Variants in PCDH15 observed in about 807,000 individuals in gnomAD.
The protein encoded by PCDH15 is protocadherin related 15.
PCDH15 carries 129 observed loss-of-function variants against 178.5 expected under a neutral mutation model. The ratio of observed to expected loss-of-function variants is 0.72; its 90% CI spans 0.63 to 0.84. The LOEUF (loss-of-function observed/expected upper bound fraction) is 0.84. PCDH15 is among the 40% of genes least tolerant of loss of function. PCDH15 has a pLI of 0.00. For synonymous variants in PCDH15, 800 were observed against 732.0 expected (o/e 1.09, Z -1.50); for missense variants, 2,230 against 2,099.9 (o/e 1.06, Z -1.21).
At position 54,062,323 on chromosome 10, in the gene PCDH15, C is replaced by A. The variant is rs142194132; in HGVS notation, c.2220+4434G>T. 4.7e-3 allele frequency among the ~76,000 whole-genome samples: 690 copies of A among 145,882 alleles called. 5 individuals carry two copies. The highest frequency in any genetic ancestry group is 0.017 in the African/African-American group (653 of 39,144). ...TATTGGATTATTCATATTAAAATAT[C>A]AATAGAATATAAACACAAAGTTGAT... On this transcript the variant is annotated intron_variant, in intron 18 of 37. Coordinates refer to ENST00000644397, the MANE Select transcript of PCDH15 (RefSeq NM_001384140.1).
intron 4 of PCDH15, among the ~76,000 whole-genome samples, chr10:54,372,099 A>G (rs971318884): frequency 1.4e-4 from 21 of 151,996 alleles, no homozygotes; most frequent in Non-Finnish European, 2.9e-4. Context: ...TGTAAATTAA[A>G]AACAAAATAA....
At chr10:54,727,175 A>T (rs1340702557) in intron 1 of PCDH15, among the ~76,000 whole-genome samples, 2 of 151,198 alleles carry the variant, frequency 1.3e-5, no homozygotes, top group African/African-American at 4.9e-5. Flanking sequence ...GTACACTAAA[A>T]TCAACCAGAT....
At chr10:54,903,302 T>C (rs1429448663) in intron 2 of PCDH15, among the ~76,000 whole-genome samples, 1 of 152,176 alleles carries the variant, frequency 6.6e-6, no homozygotes, top group Non-Finnish European at 1.5e-5. Context: ...TTATATTCTA[T>C]GTGTTTAAAA....
intron 2 of PCDH15, among the ~76,000 whole-genome samples, chr10:55,621,431 C>A (rs530436771): frequency 1.0e-3 from 152 of 152,290 alleles, no homozygotes; most frequent in Middle Eastern, 3.4e-3. Flanking sequence ...GGCTGCAGAC[C>A]AGTTACCTGT....
At chr10:53,828,452 G>T (rs770394615) in intron 31 of PCDH15, 113 bp downstream of exon 31, 11 of 903,704 alleles carry the variant, frequency 1.2e-5, no homozygotes, top group Non-Finnish European at 1.6e-5. Flanking sequence ...TATTACAAAC[G>T]CAAAACAAGG....
Position 55,313,401 on chromosome 10 carries a change from A to G in PCDH15, c.-156+6198T>C, listed in dbSNP as rs185588236. 5.0e-3 allele frequency among the ~76,000 whole-genome samples: 757 copies of G among 152,332 alleles called. 6 individuals are homozygous for G. The highest frequency in any genetic ancestry group is 0.017 in the African/African-American group (703 of 41,576). ...TTTAGAATTCCAAAATTTCAGTTAA[A>G]TTCCTTCTATTTAAAAGTGCAACTG... On this transcript the variant is annotated intron_variant, in intron 1 of 5. Transcript: ENST00000458638.
chr10:55,499,266 A>G (rs1332023516), intron 2 of PCDH15, among the ~76,000 whole-genome samples: 1 of 151,852 alleles, frequency 6.6e-6, no homozygotes, highest in Non-Finnish European at 1.5e-5. Flanking sequence ...ACAGTAACAG[A>G]AAACTAATAC....
At chr10:54,240,268 A>AT (rs146288646) in intron 8 of PCDH15, among the ~76,000 whole-genome samples, 6,600 of 150,514 alleles carry the variant, frequency 0.044, 348 homozygotes, top group African/African-American at 0.13. Context: ...CAGTTCAAGT[A>AT]TTTTTTTTTA....
intron 1 of PCDH15, among the ~76,000 whole-genome samples, chr10:55,264,827 T>C (rs551990325): frequency 5.3e-5 from 8 of 152,250 alleles, no homozygotes; most frequent in African/African-American, 1.9e-4. Flanking sequence ...TTGAGACCCT[T>C]TGGCAGCTGG....
chr10:55,343,436 C>G (rs1342296897), intron 2 of PCDH15, among the ~76,000 whole-genome samples: 1 of 152,116 alleles, frequency 6.6e-6, no homozygotes, highest in Non-Finnish European at 1.5e-5. Flanking sequence ...TCTCTGCCCT[C>G]TACCAAATAT....
chr10:54,649,604 C>A (rs2094208795), intron 2 of PCDH15, among the ~76,000 whole-genome samples: 1 of 152,008 alleles, frequency 6.6e-6, no homozygotes, highest in Non-Finnish European at 1.5e-5. Context: ...ATGAGAGATT[C>A]AGTTAGTGAT....
intron 2 of PCDH15, among the ~76,000 whole-genome samples, chr10:54,977,387 A>C (rs1839099059): frequency 6.6e-6 from 1 of 152,300 alleles, no homozygotes; most frequent in Non-Finnish European, 1.5e-5. Flanking sequence ...GTGGCCTCTG[A>C]TCATCCTCAC....
chr10:54,169,059 G>A (rs2046578504), intron 13 of PCDH15, among the ~76,000 whole-genome samples: 2 of 152,104 alleles, frequency 1.3e-5, no homozygotes, highest in African/African-American at 2.4e-5. Flanking sequence ...ACTGGGCCAA[G>A]GAATGCCTGC....
At chr10:55,462,417 A>C (rs1363225865) in intron 2 of PCDH15, among the ~76,000 whole-genome samples, 3 of 152,150 alleles carry the variant, frequency 2.0e-5, no homozygotes, top group Non-Finnish European at 4.4e-5. Flanking sequence ...AGAAAGTAAC[A>C]ACTTAAAGAG....
At chr10:55,505,407 T>C (rs890061765) in intron 2 of PCDH15, among the ~76,000 whole-genome samples, 1 of 151,460 alleles carries the variant, frequency 6.6e-6, no homozygotes, top group African/African-American at 2.4e-5. Context: ...CTGGATTCTT[T>C]AAGAAAATAA....
At chr10:55,580,713 G>T (rs1177241466) in intron 2 of PCDH15, among the ~76,000 whole-genome samples, 1 of 152,108 alleles carries the variant, frequency 6.6e-6, no homozygotes, top group Non-Finnish European at 1.5e-5. Flanking sequence ...ACACATCTAT[G>T]AAACAAAATC....
chr10:54,382,563 G>A (rs921385822), intron 3 of PCDH15, among the ~76,000 whole-genome samples: 3 of 152,066 alleles, frequency 2.0e-5, no homozygotes, highest in Admixed American at 6.6e-5. Flanking sequence ...TATTTCCCAT[G>A]TATATGATTA....
rs565591314 is a variant in PCDH15 at position 54,834,190 on chromosome 10, C to A, written c.-29+63260G>T. Among the ~76,000 whole-genome samples, 8 of 151,398 alleles carry A rather than the reference C, an allele frequency of 5.3e-5. No individual in the cohort carries two copies. In the South Asian group the frequency reaches 1.7e-3, roughly 32 times the overall value. ...TAAAATATATCTAATATTGTTTTTA[C>A]TACCTTTTTTTTTTTTTGAGATGGA... On this transcript the variant is annotated intron_variant, in intron 3 of 5. Transcript: ENST00000458638.
intron 2 of PCDH15, among the ~76,000 whole-genome samples, chr10:55,436,794 T>C (rs1427598571): frequency 6.6e-6 from 1 of 152,198 alleles, no homozygotes; most frequent in African/African-American, 2.4e-5. Context: ...TATTTTGTAA[T>C]TGGTAACTAT....
Sources: gnomAD v4.1 joint callset for allele counts (sites outside exome capture counted in the v4.1 genomes callset) on GRCh38, gnomAD v4.1.1 for gene constraint, MANE v1.5 for transcripts, NCBI Gene and HGNC (gene_info 2026-07-23, HGNC 2026-07-21) for gene names.